PRKCA: variants seen among roughly 807,000 people sequenced by gnomAD.
PRKCA encodes protein kinase C alpha.
Under a neutral mutation model 87.0 loss-of-function variants are expected in PRKCA, and 27 were observed. That is an observed-to-expected ratio of 0.31 (90% CI 0.23 to 0.43). The LOEUF (loss-of-function observed/expected upper bound fraction) is 0.43. PRKCA is among the 20% of genes least tolerant of loss of function. The probability of loss-of-function intolerance (pLI) is 1.00; values close to 1 mark genes in which losing one functional copy is unlikely to be tolerated. For synonymous variants in PRKCA, 329 were observed against 311.1 expected (o/e 1.06, Z -0.61); for missense variants, 518 against 852.3 (o/e 0.61, Z 4.88).
intron 5 of PRKCA, among the ~76,000 whole-genome samples, chr17:66,658,908 C>T (rs1971810995): frequency 6.6e-6 from 1 of 152,184 alleles, no homozygotes; most frequent in Non-Finnish European, 1.5e-5. Context: ...ACTATGCCCA[C>T]CAAGCAAGAC....
chr17:66,450,788 C>A (rs1914269767), intron 2 of PRKCA, among the ~76,000 whole-genome samples: 1 of 490 alleles, frequency 2.0e-3, no homozygotes, highest in Non-Finnish European at 2.6e-3. Flanking sequence ...AATCATGGGC[C>A]CCTGTACTAG....
intron 5 of PRKCA, among the ~76,000 whole-genome samples, chr17:66,683,238 G>A (rs527373961): frequency 4.3e-4 from 65 of 152,328 alleles, no homozygotes; most frequent in Admixed American, 1.0e-3. Flanking sequence ...GTTTCCTATA[G>A]TGATGTGTTT....
intron 2 of PRKCA, among the ~76,000 whole-genome samples, chr17:66,391,682 A>G (rs530773357): frequency 1.3e-5 from 2 of 152,226 alleles, no homozygotes; most frequent in East Asian, 1.9e-4. Context: ...TTGTTTTTTC[A>G]CTTCAAAATT....
At chr17:66,515,761 T>C (rs1049704027) in intron 3 of PRKCA, among the ~76,000 whole-genome samples, 39 of 152,148 alleles carry the variant, frequency 2.6e-4, no homozygotes, top group Non-Finnish European at 2.9e-5. Context: ...CCCTGGCTGG[T>C]CTTGAACTCC....
intron 13 of PRKCA, among the ~76,000 whole-genome samples, chr17:66,756,450 C>G (rs958599880): frequency 2.6e-5 from 4 of 152,134 alleles, no homozygotes; most frequent in Non-Finnish European, 4.4e-5. Context: ...CACTTCCCCT[C>G]TCCACACCTC....
At chr17:66,737,674 T>A (rs1974068246) in intron 10 of PRKCA, among the ~76,000 whole-genome samples, 1 of 152,200 alleles carries the variant, frequency 6.6e-6, no homozygotes, top group African/African-American at 2.4e-5. Context: ...GGCCACTACG[T>A]GTCAGCCTAG....
chr17:66,477,240 A>G (rs3848420), intron 2 of PRKCA, among the ~76,000 whole-genome samples: 1 of 152,070 alleles, frequency 6.6e-6, no homozygotes, highest in Non-Finnish European at 1.5e-5. Context: ...GAATAAAAAT[A>G]TCATGTTAAT....
chr17:66,713,094 C>T (rs1228943070), intron 8 of PRKCA, among the ~76,000 whole-genome samples: 1 of 132,162 alleles, frequency 7.6e-6, no homozygotes, highest in East Asian at 2.2e-4. Flanking sequence ...CTCTGTTGCC[C>T]AGGCTGGAGC....
Position 66,627,806 on chromosome 17 carries a change from TC to T in PRKCA, c.289-13541del, listed in dbSNP as rs542594426. On this transcript the variant is annotated intron_variant, in intron 3 of 16. Transcript: ENST00000413366. ...CTAACGCATGGTTGGAAATTCAGTA[TC>T]CCCCCCCAAAAAATTGAACCTTCAT... 5.4e-3 allele frequency among the ~76,000 whole-genome samples: 821 copies of T among 151,128 alleles called. 9 individuals are homozygous for T. The highest frequency in any genetic ancestry group is 0.017 in the African/African-American group (680 of 41,152).
chr17:66,361,922 T>C (rs1442787113), intron 2 of PRKCA, among the ~76,000 whole-genome samples: 1 of 152,240 alleles, frequency 6.6e-6, no homozygotes, highest in Non-Finnish European at 1.5e-5. Flanking sequence ...TGTGAGAGTG[T>C]CTGTTTCCCC....
At chr17:66,717,379 A>T (rs570952025) in intron 8 of PRKCA, among the ~76,000 whole-genome samples, 5 of 152,346 alleles carry the variant, frequency 3.3e-5, no homozygotes, top group Admixed American at 6.5e-5. Context: ...CTTTACAGAA[A>T]AAGTTTGCTC....
rs1043243342 is a variant in PRKCA, at chr17:66,345,934, C to T, written c.205+39807C>T. On this transcript the variant is annotated intron_variant, in intron 2 of 16. Transcript: ENST00000413366. ...TAGATGGCTAATTAATTTCATTGAA[C>T]GAATACCTAAGTAGATGATGGATGA... Among the ~76,000 whole-genome samples, 51 of 152,026 alleles carry T rather than the reference C, an allele frequency of 3.4e-4. 1 individual carries two copies. The highest frequency in any genetic ancestry group is 1.2e-3 in the African/African-American group (48 of 41,382).
chr17:66,347,417 T>A (rs1907450158), intron 2 of PRKCA, among the ~76,000 whole-genome samples: 1 of 152,234 alleles, frequency 6.6e-6, no homozygotes, highest in Non-Finnish European at 1.5e-5. Context: ...ACTGGAGATA[T>A]TCTTTGATAC....
At position 66,688,975 on chromosome 17, in the gene PRKCA, A is replaced by G. The variant is rs1972705299; in HGVS notation, c.846A>G (p.Glu282=). 1.9e-6 allele frequency: 3 copies of G among 1,607,234 alleles called. No homozygotes were observed. The highest frequency in any genetic ancestry group is 1.1e-5 in the South Asian group (1 of 89,918). ...GGTACAAGTTGCTTAACCAAGAAGA[A>G]GGTGAGTACTACAACGTACCCATTC... The part of the protein sequence containing the change: ...SGWYKLLNQE[E]GEYYNVPIPE... The change falls in exon 8 of 17, where the codon GAA becomes GAG. Residue 282 remains glutamate (E), a synonymous_variant. Transcript: ENST00000413366.
intron 3 of PRKCA, among the ~76,000 whole-genome samples, chr17:66,521,713 A>G (rs1005660423): frequency 3.9e-5 from 6 of 152,234 alleles, no homozygotes; most frequent in African/African-American, 7.2e-5. Context: ...ACTGTTTTCA[A>G]GAAAAAGAAG....
chr17:66,690,429 AGTCC>A (rs1266314487), intron 8 of PRKCA, among the ~76,000 whole-genome samples: 1 of 152,162 alleles, frequency 6.6e-6, no homozygotes, highest in East Asian at 1.9e-4. Flanking sequence ...CTCACAGGCG[AGTCC>A]AGGCCCTCTA....
intron 14 of PRKCA, among the ~76,000 whole-genome samples, chr17:66,785,545 C>G (rs778827020): frequency 6.6e-6 from 1 of 152,140 alleles, no homozygotes; most frequent in Admixed American, 6.5e-5. Flanking sequence ...AAAGGGGGAG[C>G]ATTACGGAAT....
chr17:66,617,675 T>C (rs542872292), intron 3 of PRKCA, among the ~76,000 whole-genome samples: 1 of 152,308 alleles, frequency 6.6e-6, no homozygotes, highest in East Asian at 1.9e-4. Flanking sequence ...CTTCACTTTT[T>C]GAAAACCATA....
rs117053646 is a variant in PRKCA at position 66,433,041 on chromosome 17, C to T, written c.206-63160C>T. 3.0e-3 allele frequency among the ~76,000 whole-genome samples: 449 copies of T among 152,142 alleles called. 8 individuals carry two copies. Among genetic ancestry groups the T allele is most frequent in the East Asian group, 0.027 (139 of 5,160 alleles). ...CTAGACTCTGATGTGTGCAGTTAGC[C>T]GGGGGGAAGGAGGTAGTTCAGAAAA... On this transcript the variant is annotated intron_variant, in intron 2 of 16. Transcript: ENST00000413366.
Sources: allele counts gnomAD v4.1 joint callset (sites outside exome capture counted in the v4.1 genomes callset), GRCh38; gene constraint gnomAD v4.1.1; transcripts MANE v1.5; gene names NCBI Gene and HGNC (gene_info 2026-07-23, HGNC 2026-07-21).